SCML2: variants seen among roughly 807,000 people sequenced by gnomAD.
SCML2 encodes the protein sex comb on midleg-like protein 2.
Under a neutral mutation model 48.4 loss-of-function variants are expected in SCML2, and 6 were observed. The ratio of observed to expected loss-of-function variants is 0.12; its 90% CI spans 0.07 to 0.24. SCML2 has a LOEUF of 0.24. Ranked by LOEUF, SCML2 falls within the 10% of genes least tolerant of loss-of-function variation. SCML2 has a pLI of 1.00. For synonymous variants in SCML2, 181 were observed against 189.5 expected, an observed-to-expected ratio of 0.95 and a Z score of 0.37; for missense variants, 377 against 528.2, an observed-to-expected ratio of 0.71 and a Z score of 2.81.
At chrX:18,335,358 G>A (rs1462902274) in intron 1 of SCML2, among the ~76,000 whole-genome samples, 1 of 110,505 alleles carries the variant, frequency 9.0e-6, no homozygotes, top group Non-Finnish European at 1.9e-5. Context: ...TTAAAAATTA[G>A]CCAGGTGTGG....
At chrX:18,349,178 A>C (rs1247755619) in intron 1 of SCML2, among the ~76,000 whole-genome samples, 2 of 112,208 alleles carry the variant, frequency 1.8e-5, no homozygotes, top group African/African-American at 6.5e-5. Context: ...TCCCTTCTGA[A>C]GTTTACAACA....
At chrX:18,337,175 G>A (rs1174829363) in intron 1 of SCML2, among the ~76,000 whole-genome samples, 4 of 107,686 alleles carry the variant, frequency 3.7e-5, no homozygotes, top group African/African-American at 1.4e-4. Context: ...GGTGATGTGT[G>A]CCTGTAGTCA....
At chrX:18,256,824 G>GT in intron 11 of SCML2, 24 bp downstream of exon 11, 2 of 1,105,275 alleles carry the variant, frequency 1.8e-6, no homozygotes, top group Non-Finnish European at 2.4e-6. Context: ...AAACAGAAGT[G>GT]TAAGAGTTTA....
chrX:18,308,008 C>T (rs1036665088), intron 6 of SCML2, among the ~76,000 whole-genome samples: 10 of 108,270 alleles, frequency 9.2e-5, no homozygotes, highest in African/African-American at 2.7e-4. Context: ...GCAGGAGAAT[C>T]GCTTGAATCC....
chrX:18,312,137 T>C (rs1162811344), intron 6 of SCML2, among the ~76,000 whole-genome samples: 2 of 112,009 alleles, frequency 1.8e-5, no homozygotes, highest in Admixed American at 9.5e-5. Context: ...GTGCTGATGA[T>C]AGCCTGTAAA....
intron 6 of SCML2, among the ~76,000 whole-genome samples, chrX:18,314,253 C>T (rs1929047210): frequency 1.8e-5 from 2 of 111,507 alleles, no homozygotes; most frequent in Admixed American, 9.5e-5. Context: ...TGCAACTCTG[C>T]CCCACTGGAT....
rs1024901622 is a variant in SCML2 at position 18,249,086 on chromosome X, C to T, written c.1457-1204G>A. On this transcript the variant is annotated intron_variant, in intron 11 of 14. Transcript: ENST00000251900. ...TTTTAAATCATCAGAGAAGCACTTC[C>T]AGGATGACTGATCAAAGACCTCCAA... 2.7e-5 allele frequency among the ~76,000 whole-genome samples: 3 copies of T among 111,686 alleles called. No individual in the cohort carries two copies. The East Asian group carries it at 8.4e-4, about 31-fold the overall frequency.
At chrX:18,343,461 A>G (rs941230742) in intron 1 of SCML2, among the ~76,000 whole-genome samples, 1 of 111,193 alleles carries the variant, frequency 9.0e-6, no homozygotes, top group African/African-American at 3.3e-5. Flanking sequence ...CTGAGAGAAC[A>G]TAAGAATCAA....
rs1926257838 is a variant in SCML2, at chrX:18,241,334, T to C, written c.2020A>G (p.Met674Val). 3.3e-6 allele frequency: 4 copies of C among 1,195,631 alleles called. No individual in the cohort carries two copies. The highest frequency in any genetic ancestry group is 2.2e-5 in the Admixed American group (1 of 44,549). ...ALFLLKSDVM[M>V]KYMGLKLGPA... ...CCCAGCTTCAGCCCCATATACTTCA[T>C]CATCACATCACTCTTGAGTAGGAAC... Residue 674 changes from methionine to valine, a missense_variant, in exon 15 of 15, where the codon ATG becomes GTG. Physicochemically the swap from Met to Val is conservative, Grantham distance 21. Coordinates refer to ENST00000251900, the MANE Select transcript of SCML2 (RefSeq NM_006089.3).
At chrX:18,259,369 T>C (rs975469539) in intron 9 of SCML2, among the ~76,000 whole-genome samples, 1 of 111,878 alleles carries the variant, frequency 8.9e-6, no homozygotes, top group Non-Finnish European at 1.9e-5. Flanking sequence ...TTAATTAATA[T>C]TGCAAAACTT....
chrX:18,341,385 C>T (rs765450490), intron 1 of SCML2: 2 of 262,450 alleles, frequency 7.6e-6, no homozygotes, highest in Non-Finnish European at 1.5e-5. Flanking sequence ...TCTTCGAGAC[C>T]CCAGTAGTAA....
rs2014092099 is a variant in SCML2, at chrX:18,246,732, T to C, written c.1667A>G (p.Asn556Ser). 1 of 1,206,472 alleles carries C rather than the reference T, an allele frequency of 8.3e-7. No individual in the cohort carries two copies. The highest frequency in any genetic ancestry group is 1.8e-5 in the African/African-American group (1 of 56,945). The change falls in exon 13 of 15, where the codon AAT (asparagine) becomes AGT (serine). Residue 556 changes from asparagine (N) to serine (S), a missense_variant. Transcript: ENST00000251900. Reference sequence around the variant, plus strand: ...ATACATAGGATTTCTACAGGCAGGATTCAAATAATTTCCTGAATTTAGTGA... The same window carrying C: ...ATACATAGGATTTCTACAGGCAGGACTCAAATAATTTCCTGAATTTAGTGA... ...SSSLNSGNYL[N>S]PACRNPMYIH...
At chrX:18,244,094 G>C (rs1441679844) in intron 13 of SCML2, among the ~76,000 whole-genome samples, 1 of 111,661 alleles carries the variant, frequency 9.0e-6, no homozygotes, top group African/African-American at 3.2e-5. Flanking sequence ...TCACAACGAT[G>C]ATGTGAAATA....
rs766376164 is a variant in SCML2, at chrX:18,289,086, A to G, written c.730+15886T>C. On this transcript the variant is annotated intron_variant, in intron 7 of 14. Transcript: ENST00000251900. ...AGAAACTAGAAAGAAATGAGAAGAC[A>G]TGCAAAATCTAACTGCTAACCCACT... Among the ~76,000 whole-genome samples the G allele has an allele frequency of 2.7e-5, 3 of 111,981 alleles. No individual in the cohort carries two copies. The East Asian group carries it at 8.4e-4, about 31-fold the overall frequency.
chrX:18,346,907 T>C (rs1249983849), intron 1 of SCML2, among the ~76,000 whole-genome samples: 1 of 111,844 alleles, frequency 8.9e-6, no homozygotes, highest in African/African-American at 3.2e-5. Flanking sequence ...CTGGTAATAG[T>C]GATTATCCTA....
chrX:18,354,566 T>C (rs752220563), intron 1 of SCML2, 26 bp downstream of exon 1: 1 of 270,198 alleles, frequency 3.7e-6, no homozygotes, highest in Non-Finnish European at 6.6e-6. Flanking sequence ...TCTCCATTCC[T>C]TACGGGGCCC....
chrX:18,330,952 C>T (rs941343181), intron 2 of SCML2, among the ~76,000 whole-genome samples: 5 of 110,791 alleles, frequency 4.5e-5, no homozygotes, highest in African/African-American at 1.3e-4. Context: ...GCAACACTCT[C>T]AAGCATTTGT....
intron 1 of SCML2, among the ~76,000 whole-genome samples, chrX:18,347,458 AG>A (rs1930235013): frequency 1.9e-5 from 2 of 107,839 alleles, no homozygotes; most frequent in South Asian, 8.2e-4. Context: ...AAAAAAAAAA[AG>A]AACATTTTTA....
At chrX:18,257,905 A>G (rs1456722527) in intron 10 of SCML2, 139 bp downstream of exon 10, 1 of 400,570 alleles carries the variant, frequency 2.5e-6, no homozygotes, top group Non-Finnish European at 4.3e-6. Flanking sequence ...TGAAGGAAGA[A>G]AGAAGAAAGG....
Sources: allele counts gnomAD v4.1 joint callset (sites outside exome capture counted in the v4.1 genomes callset), GRCh38; gene constraint gnomAD v4.1.1; transcripts MANE v1.5; gene names NCBI Gene and HGNC (gene_info 2026-07-23, HGNC 2026-07-21).